Variants in ZNF667 observed in about 807,000 individuals in gnomAD.
ZNF667 encodes zinc finger protein 667, also known as myocardial ischemic preconditioning upregulated 1 ortholog.
In ZNF667, 13 loss-of-function variants were observed where a neutral mutation model predicts 31.8. The observed-to-expected ratio is 0.41, with a 90% CI of 0.27 to 0.65. The LOEUF is 0.65. Among genes scored for constraint, ZNF667 ranks in the 30% least tolerant of loss-of-function variants. The pLI, the probability that ZNF667 is intolerant of heterozygous loss-of-function variation, is 0.32. For missense variants in ZNF667, 642 were observed against 725.6 expected (o/e 0.88, Z 1.32); for synonymous variants, 228 against 247.1 (o/e 0.92, Z 0.73).
rs565819057 is a variant in ZNF667, at chr19:56,455,843, C to T, written c.253+2312G>A. Among the ~76,000 whole-genome samples, 3 of 152,292 alleles carry T rather than the reference C, an allele frequency of 2.0e-5. No homozygotes were observed. The South Asian group carries it at 6.2e-4, about 32-fold the overall frequency. On this transcript the variant is annotated intron_variant, in intron 6 of 6. Transcript: ENST00000504904. ...CACATACCCTGATGTGATTCTTACA[C>T]ACTATATGCCTGTATTGAAATATCC...
chr19:56,471,242 G>A (rs747007281), intron 3 of ZNF667, among the ~76,000 whole-genome samples: 4 of 151,912 alleles, frequency 2.6e-5, no homozygotes, highest in African/African-American at 4.8e-5. Context: ...GTTTCCTGAT[G>A]CCTCCCTGAA....
chr19:56,469,778 C>T, intron 3 of ZNF667: 1 of 370,948 alleles, frequency 2.7e-6, no homozygotes, highest in South Asian at 2.0e-5. Context: ...GGACAGGCAA[C>T]TCTGTATTCC....
chr19:56,455,949 C>G (rs1410157108), intron 6 of ZNF667, among the ~76,000 whole-genome samples: 1 of 152,132 alleles, frequency 6.6e-6, no homozygotes, highest in Non-Finnish European at 1.5e-5. Context: ...AGGTGAACTG[C>G]CAAGGCTTCA....
At chr19:56,469,423 A>C (rs781668033) in intron 3 of ZNF667, among the ~76,000 whole-genome samples, 8 of 152,132 alleles carry the variant, frequency 5.3e-5, no homozygotes, top group Non-Finnish European at 1.0e-4. Flanking sequence ...CAAGCCACTG[A>C]ACCTCTCTGT....
intron 3 of ZNF667, chr19:56,470,068 GTGACCTTGGGCAAGTTAC>G (rs1381653881): frequency 2.2e-6 from 1 of 456,012 alleles, no homozygotes; most frequent in Non-Finnish European, 4.4e-6. Flanking sequence ...GTGCAGCTGT[GTGACCTTGGGCAAGTTAC>G]TGAACCTTGC....
chr19:56,459,762 G>T (rs1274104222), intron 5 of ZNF667, among the ~76,000 whole-genome samples: 1 of 152,192 alleles, frequency 6.6e-6, no homozygotes, highest in African/African-American at 2.4e-5. Flanking sequence ...GGGAGGCCGA[G>T]GTGGGCAGAT....
chr19:56,453,504 A>T (rs1379334904), intron 6 of ZNF667, among the ~76,000 whole-genome samples: 14 of 152,226 alleles, frequency 9.2e-5, no homozygotes, highest in Admixed American at 9.2e-4. Context: ...CATGAACAAG[A>T]ACGATTAATC....
At chr19:56,450,257 C>T (rs1296495384) in intron 6 of ZNF667, among the ~76,000 whole-genome samples, 1 of 152,256 alleles carries the variant, frequency 6.6e-6, no homozygotes, top group Non-Finnish European at 1.5e-5. Flanking sequence ...AACTCTAATA[C>T]ATCTGGCAGC....
rs540286867 is a variant in ZNF667 at position 56,452,112 on chromosome 19, G to A, written c.253+6043C>T. Among the ~76,000 whole-genome samples the A allele has an allele frequency of 6.0e-5, 9 of 150,448 alleles. No individual in the cohort carries two copies. In the South Asian group the frequency reaches 1.3e-3, roughly 21 times the overall value. ...TGTCCAGGCTGGAGTGCAATGGCGC[G>A]ATCTTGGCTCACTGCAACCTCTGCC... On this transcript the variant is annotated intron_variant, in intron 6 of 6. Coordinates refer to ENST00000504904, the MANE Select transcript of ZNF667 (RefSeq NM_001321356.2).
chr19:56,467,707 G>C (rs1036930735), intron 3 of ZNF667: 1 of 152,242 alleles, frequency 6.6e-6, no homozygotes, highest in East Asian at 1.9e-4. Flanking sequence ...TGCTAAAGCA[G>C]CTTACAGAAC....
chr19:56,442,996 G>A (rs900440634), intron 6 of ZNF667, among the ~76,000 whole-genome samples: 4 of 151,960 alleles, frequency 2.6e-5, no homozygotes, highest in South Asian at 4.1e-4. Context: ...TGCCATATAC[G>A]GCACATTGAA....
chr19:56,439,606 A>G lies in ZNF667; in HGVS notation c.*1556T>C, dbSNP rs1381884898. The G allele has an allele frequency of 1.3e-5, 2 of 152,250 alleles. No individual in the cohort carries two copies. Among genetic ancestry groups the G allele is most frequent in the African/African-American group, 2.4e-5 (1 of 41,450 alleles). The allele number at this position is 152,250 out of a possible 1,614,324, so 9.4% of individuals were successfully genotyped here. A position where few individuals can be genotyped will look rare whatever the true frequency, so the allele number is the denominator to read the frequency against. On this transcript the variant is annotated 3_prime_UTR_variant, in exon 7 of 7. Transcript: ENST00000504904. ...TCGTAGGGTTCTCTTCCTGTTCTGT[A>G]GACAGCTGGCTTCTTCCTGCATCCT...
At chr19:56,466,448 C>T (rs2043161558) in intron 3 of ZNF667, among the ~76,000 whole-genome samples, 1 of 152,118 alleles carries the variant, frequency 6.6e-6, no homozygotes, top group South Asian at 2.1e-4. Flanking sequence ...ATGTCCTGGC[C>T]CCAATGGGAG....
At chr19:56,461,257 C>A (rs59138783) in intron 4 of ZNF667, among the ~76,000 whole-genome samples, 2,281 of 152,226 alleles carry the variant, frequency 0.015, 68 homozygotes, top group African/African-American at 0.052. Flanking sequence ...CCAGACAGCT[C>A]CTGATTTAAT....
intron 4 of ZNF667, among the ~76,000 whole-genome samples, chr19:56,461,111 G>A (rs2043036035): frequency 6.6e-6 from 1 of 152,206 alleles, no homozygotes; most frequent in Non-Finnish European, 1.5e-5. Context: ...GGCTCACTTA[G>A]TGCTCATGTG....
At chr19:56,457,206 C>A (rs539257631) in intron 6 of ZNF667, among the ~76,000 whole-genome samples, 1 of 152,158 alleles carries the variant, frequency 6.6e-6, no homozygotes, top group Non-Finnish European at 1.5e-5. Flanking sequence ...CTGAAAAGAA[C>A]ACTTGGAGAA....
At position 56,452,222 on chromosome 19, in the gene ZNF667, G is replaced by C. The variant is rs72490754; in HGVS notation, c.253+5933C>G. Among the ~76,000 whole-genome samples the C allele has an allele frequency of 5.9e-4, 89 of 152,078 alleles. 2 individuals carry two copies. The East Asian group carries it at 0.014, about 23-fold the overall frequency. The stretch of plus-strand genomic sequence containing the variant: ...CACCACCATGCCTGGTTAATTTCTT[G>C]TATTTTTAGTAGAGACAGGGTTTCA... On this transcript the variant is annotated intron_variant, in intron 6 of 6. Transcript: ENST00000504904.
chr19:56,443,764 T>A (rs547836417), intron 6 of ZNF667, among the ~76,000 whole-genome samples: 1 of 152,294 alleles, frequency 6.6e-6, no homozygotes, highest in African/African-American at 2.4e-5. Flanking sequence ...GGTAAGAGAT[T>A]AGACTAAAAG....
intron 3 of ZNF667, chr19:56,469,837 C>A (rs1371034240): frequency 1.2e-5 from 5 of 431,296 alleles, no homozygotes; most frequent in South Asian, 6.8e-5. Flanking sequence ...TAAGTGTTTG[C>A]TAACTGAATG....
Sources: gnomAD v4.1 joint callset for allele counts (sites outside exome capture counted in the v4.1 genomes callset) on GRCh38, gnomAD v4.1.1 for gene constraint, MANE v1.5 for transcripts, NCBI Gene and HGNC (gene_info 2026-07-23, HGNC 2026-07-21) for gene names.